Variants in HMCN2 observed in about 807,000 individuals in gnomAD.
HMCN2 encodes hemicentin 2, also known as hemicentin-2.
In HMCN2, 325 loss-of-function variants were observed where a neutral mutation model predicts 377.5. That is an observed-to-expected ratio of 0.86 (90% confidence interval 0.79 to 0.94). HMCN2 has a LOEUF of 0.94. Among genes scored for constraint, HMCN2 ranks in the 40% least tolerant of loss-of-function variants. The probability of loss-of-function intolerance (pLI) is 0.00; values close to 1 mark genes in which losing one functional copy is unlikely to be tolerated. For synonymous variants in HMCN2, 2,007 were observed against 2,046.8 expected (o/e 0.98, Z 0.53); for missense variants, 4,543 against 4,725.3 (o/e 0.96, Z 1.13).
Position 130,360,006 on chromosome 9 carries a change from G to C in HMCN2, c.5774-422G>C, listed in dbSNP as rs142428785. ...GCTTTGAGGCTGCTGCTTTGGGCTGGTCCATGTTCTCTAATGCCCCCTAGG... is the reference window on the plus strand; with the variant it reads ...GCTTTGAGGCTGCTGCTTTGGGCTGCTCCATGTTCTCTAATGCCCCCTAGG... On this transcript the variant is annotated intron_variant, in intron 37 of 97. Transcript: ENST00000683500. This position sits in a 1 kb window ranked among gnomAD's most constrained non-coding sequence, Gnocchi z 4.7. Among the ~76,000 whole-genome samples, 18 of 152,236 alleles carry C rather than the reference G, an allele frequency of 1.2e-4. No homozygotes were observed. The highest frequency in any genetic ancestry group is 4.1e-4 in the African/African-American group (17 of 41,534).
At chr9:130,334,722 T>TCTTTC (rs1167871701) in intron 22 of HMCN2, among the ~76,000 whole-genome samples, 47,818 of 137,096 alleles carry the variant, frequency 0.35, 10,124 homozygotes, top group Non-Finnish European at 0.49. Flanking sequence ...TCTCTCTCTC[T>TCTTTC]TCTCTCTTTC....
Position 130,384,704 on chromosome 9 carries a change from G to T in HMCN2, c.9012G>T (p.Leu3004=), listed in dbSNP as rs1171867690. ...FLLPGTHTLQ[L]GRARLSDSGM... is the part of the protein sequence containing the mutation. ...CGGCAGGCACCCACACGCTGCAGCT[G>T]GGGAGAGCACGGCTGTCGGACTCCG... Residue 3004 remains leucine (L), a synonymous_variant, in exon 59 of 98, where the codon CTG becomes CTT. Transcript: ENST00000683500. The T allele has an allele frequency of 2.3e-6, 3 of 1,302,458 alleles. No individual in the cohort carries two copies. The highest frequency in any genetic ancestry group is 1.0e-6 in the Non-Finnish European group (1 of 988,926). The allele number at this position is 1,302,458 out of a possible 1,614,324, so 80.7% of individuals were successfully genotyped here.
chr9:130,309,998 T>C lies in HMCN2; in HGVS notation c.2287T>C (p.Tyr763His), dbSNP rs1554938420. ...PAAQERDAGT[Y>H]TCRAVNELGD... Reference sequence around the variant, plus strand: ...GGCTCAGGAGAGGGATGCTGGCACCTACACCTGCCGGGCTGTCAATGAGTT... The same window carrying C: ...GGCTCAGGAGAGGGATGCTGGCACCCACACCTGCCGGGCTGTCAATGAGTT... Residue 763 changes from tyrosine to histidine, a missense_variant, in exon 15 of 98, where the codon TAC becomes CAC. Tyr to His is a moderately conservative substitution (Grantham distance 83, BLOSUM62 2). Around this residue, in one of 5 missense-constraint regions of HMCN2, gnomAD observed 547 missense variants for 189.9 expected, o/e 2.88. Coordinates refer to ENST00000683500, the MANE Select transcript of HMCN2 (RefSeq NM_001291815.2). 1.9e-6 allele frequency: 1 copy of C among 533,824 alleles called. No homozygotes were observed. The highest frequency in any genetic ancestry group is 3.9e-6 in the Non-Finnish European group (1 of 259,660). 33.1% of individuals were successfully genotyped at this position (533,824 alleles called of 1,614,324 possible).
chr9:130,379,457 T>C lies in HMCN2; in HGVS notation c.8421T>C (p.Ser2807=), dbSNP rs1043039190. The change falls in exon 54 of 98, where the codon TCT becomes TCC. Residue 2807 remains serine, a synonymous_variant. Coordinates refer to ENST00000683500, the MANE Select transcript of HMCN2 (RefSeq NM_001291815.2). ...DQPLSAGDEV[S]VLQGGRVLQI... The stretch of plus-strand genomic sequence containing the variant: ...CCCTCTCGGCCGGGGATGAGGTGTC[T>C]GTGCTGCAAGGTGGGTCAGGGGTGC... 4.1e-6 allele frequency: 4 copies of C among 985,758 alleles called. No homozygotes were observed. Among genetic ancestry groups the C allele is most frequent in the Non-Finnish European group, 4.8e-6 (4 of 829,984 alleles). The allele number at this position is 985,758 out of a possible 1,614,324, so 61.1% of individuals were successfully genotyped here.
chr9:130,378,184 T>C (rs1841495446), intron 53 of HMCN2, among the ~76,000 whole-genome samples: 1 of 151,716 alleles, frequency 6.6e-6, no homozygotes, highest in African/African-American at 2.4e-5. Flanking sequence ...TGCCTGTGGG[T>C]ACCTGGGGCT....
chr9:130,280,494 A>T (rs1835056804), intron 1 of HMCN2, among the ~76,000 whole-genome samples: 1 of 151,830 alleles, frequency 6.6e-6, no homozygotes, highest in African/African-American at 2.4e-5. Context: ...TAAGGCATGA[A>T]GTTTCTAGTA....
intron 24 of HMCN2, 136 bp downstream of exon 24, chr9:130,341,501 C>T (rs1232123627): frequency 6.6e-6 from 1 of 152,262 alleles, no homozygotes; most frequent in African/African-American, 2.4e-5. Context: ...GAGCCCTGGC[C>T]CTTTCTGGGA....
intron 5 of HMCN2, 141 bp from the exon 6 acceptor site, chr9:130,295,525 C>A: frequency 2.9e-6 from 1 of 341,086 alleles, no homozygotes; most frequent in Non-Finnish European, 5.9e-6. Context: ...GAGGCAGTGG[C>A]CGAGGACCAC....
chr9:130,414,258 C>G lies in HMCN2; in HGVS notation c.12961+3606C>G. Among the ~76,000 whole-genome samples, 1 of 152,150 alleles carries G rather than the reference C, an allele frequency of 6.6e-6. No homozygotes were observed. The highest frequency in any genetic ancestry group is 1.9e-4 in the East Asian group (1 of 5,178). ...CTCCCCCGTGTGGCCAGGTGGGCAG[C>G]GAGGGTAGTGCCAGCAGAGGCCCGG... On this transcript the variant is annotated intron_variant, in intron 85 of 97. Coordinates refer to ENST00000683500, the MANE Select transcript of HMCN2 (RefSeq NM_001291815.2). The surrounding 1 kb of genome is among the most constrained non-coding windows in gnomAD (Gnocchi z 4.4).
At chr9:130,399,081 C>A (rs2131706856) in intron 75 of HMCN2, among the ~76,000 whole-genome samples, 1 of 151,904 alleles carries the variant, frequency 6.6e-6, no homozygotes, top group East Asian at 1.9e-4. Context: ...AGTGAGACCC[C>A]ATCTCTACAG....
At position 130,379,462 on chromosome 9, in the gene HMCN2, T is replaced by C; in HGVS notation, c.8426T>C (p.Leu2809Pro). Residue 2809 changes from leucine (L) to proline (P), a missense_variant, in exon 54 of 98, where the codon CTG (leucine) becomes CCG (proline). Coordinates refer to ENST00000683500, the MANE Select transcript of HMCN2 (RefSeq NM_001291815.2). ...TCGGCCGGGGATGAGGTGTCTGTGC[T>C]GCAAGGTGGGTCAGGGGTGCGTGAA... ...PLSAGDEVSV[L>P]QGGRVLQIPL... 1.0e-6 allele frequency: 1 copy of C among 985,868 alleles called. No homozygotes were observed. The highest frequency in any genetic ancestry group is 1.7e-5 in the African/African-American group (1 of 57,358). The allele number at this position is 985,868 out of a possible 1,614,324, so 61.1% of individuals were successfully genotyped here. A position where few individuals can be genotyped will look rare whatever the true frequency, so the allele number is the denominator to read the frequency against.
intron 1 of HMCN2, among the ~76,000 whole-genome samples, chr9:130,268,863 G>A (rs1554920159): frequency 1.3e-5 from 2 of 148,788 alleles, no homozygotes; most frequent in African/African-American, 4.9e-5. Context: ...GTGCAGGGCC[G>A]ATTGATGCCT....
At chr9:130,337,554 C>T (rs1008471768) in intron 22 of HMCN2, among the ~76,000 whole-genome samples, 6 of 152,196 alleles carry the variant, frequency 3.9e-5, no homozygotes, top group East Asian at 1.9e-4. Context: ...AGACACAGGC[C>T]GTCTTAGCAT....
chr9:130,410,600 G>A lies in HMCN2; in HGVS notation c.12909G>A (p.Leu4303=). Residue 4303 remains leucine (L), a synonymous_variant, in exon 85 of 98, where the codon CTG becomes CTA. Coordinates refer to ENST00000683500, the MANE Select transcript of HMCN2 (RefSeq NM_001291815.2). ...ERDDAGRYQC[L]AENEMGVAKK... ...ACGATGCGGGACGGTACCAGTGCCTGGCAGAGAATGAGATGGGCGTGGCGA... is the reference window on the plus strand; with the variant it reads ...ACGATGCGGGACGGTACCAGTGCCTAGCAGAGAATGAGATGGGCGTGGCGA... The A allele has an allele frequency of 2.6e-6, 4 of 1,550,622 alleles. No individual in the cohort carries two copies. The highest frequency in any genetic ancestry group is 3.5e-6 in the Non-Finnish European group (4 of 1,147,004).
intron 80 of HMCN2, among the ~76,000 whole-genome samples, chr9:130,404,631 A>ATGTG (rs138458577): frequency 6.6e-6 from 1 of 151,996 alleles, no homozygotes; most frequent in East Asian, 1.9e-4. Context: ...ATGTGCATGC[A>ATGTG]TGTGTGTGTG....
At position 130,391,091 on chromosome 9, in the gene HMCN2, C is replaced by T; in HGVS notation, c.9638C>T (p.Ala3213Val). ...TCVAENTQAE[A>V]RKDFVVAVLV... Reference sequence around the variant, plus strand: ...GTGGCTGAGAACACCCAGGCTGAGGCCCGCAAGGACTTCGTGGTAGCAGTG... The same window carrying T: ...GTGGCTGAGAACACCCAGGCTGAGGTCCGCAAGGACTTCGTGGTAGCAGTG... Residue 3213 changes from alanine (A) to valine (V), a missense_variant, in exon 63 of 98, where the codon GCC (alanine) becomes GTC (valine). Coordinates refer to ENST00000683500, the MANE Select transcript of HMCN2 (RefSeq NM_001291815.2). 40 of 987,806 alleles carry T rather than the reference C, an allele frequency of 4.0e-5. No homozygotes were observed. The highest frequency in any genetic ancestry group is 4.6e-5 in the Non-Finnish European group (38 of 830,220). 61.2% of individuals were successfully genotyped at this position (987,806 alleles called of 1,614,324 possible). A position where few individuals can be genotyped will look rare whatever the true frequency, so the allele number is the denominator to read the frequency against.
At chr9:130,403,051 A>T in intron 78 of HMCN2, 143 bp from the exon 79 acceptor site, 1 of 1,042,474 alleles carries the variant, frequency 9.6e-7, no homozygotes, top group Non-Finnish European at 1.3e-6. Flanking sequence ...AGAATCAGCC[A>T]TGGCGTCCTT....
chr9:130,384,857 C>A, intron 59 of HMCN2, 59 bp downstream of exon 59: 2 of 1,092,036 alleles, frequency 1.8e-6, no homozygotes, highest in Non-Finnish European at 2.5e-6. Context: ...ACCCCTCAGC[C>A]CATACTCCCC....
intron 46 of HMCN2, among the ~76,000 whole-genome samples, chr9:130,371,713 TGGTAAGAATTG>T (rs1841030485): frequency 6.6e-6 from 1 of 152,220 alleles, no homozygotes; most frequent in African/African-American, 2.4e-5. Context: ...TCTGAGCACT[TGGTAAGAATTG>T]CCGGGTGCAT....
Sources: allele counts gnomAD v4.1 joint callset (sites outside exome capture counted in the v4.1 genomes callset), GRCh38; gene constraint gnomAD v4.1.1; regional missense constraint gnomAD v4.1.1; non-coding constraint Gnocchi (gnomAD v3.1); transcripts MANE v1.5; gene names NCBI Gene and HGNC (gene_info 2026-07-23, HGNC 2026-07-21).